LIMD1: variants seen among roughly 807,000 people sequenced by gnomAD.
LIMD1 encodes LIM domain containing 1, also known as LIM domain-containing protein 1.
LIMD1 carries 23 observed loss-of-function variants against 58.4 expected under a neutral mutation model. The observed-to-expected ratio is 0.39, with a 90% CI of 0.28 to 0.56. LIMD1 has a LOEUF of 0.56. Ranked by LOEUF, LIMD1 falls within the 20% of genes least tolerant of loss-of-function variation. LIMD1 has a pLI of 0.57. For synonymous variants in LIMD1, 334 were observed against 345.5 expected, an observed-to-expected ratio of 0.97 and a Z score of 0.37; for missense variants, 838 against 855.5, an observed-to-expected ratio of 0.98 and a Z score of 0.25.
chr3:45,639,428 C>T (rs976814075), intron 2 of LIMD1, among the ~76,000 whole-genome samples: 15 of 152,120 alleles, frequency 9.9e-5, no homozygotes, highest in African/African-American at 3.6e-4. Context: ...CACTGGTTGG[C>T]TTATAAACAA....
intron 2 of LIMD1, among the ~76,000 whole-genome samples, chr3:45,639,527 G>A (rs1226184617): frequency 2.0e-5 from 3 of 152,100 alleles, no homozygotes; most frequent in African/African-American, 4.8e-5. Context: ...CCCACTTCCC[G>A]GGCACTCATA....
At chr3:45,657,332 A>C (rs931897528) in intron 2 of LIMD1, among the ~76,000 whole-genome samples, 1 of 152,172 alleles carries the variant, frequency 6.6e-6, no homozygotes, top group Non-Finnish European at 1.5e-5. Context: ...TGAGGCAAGT[A>C]AAAGGCCCAG....
chr3:45,654,812 C>CAAAA lies in LIMD1; in HGVS notation c.1511-10819_1511-10816dup, dbSNP rs1227980901. On this transcript the variant is annotated intron_variant, in intron 2 of 7. Transcript: ENST00000273317. ...TGGGTGACAGAGTAAGACCCTGTCTCAAAAAAAAAAAAAAAAAAAAAAGAA... is the reference window on the plus strand; with the variant it reads ...TGGGTGACAGAGTAAGACCCTGTCTCAAAAAAAAAAAAAAAAAAAAAAAAAAGAA... 3.7e-3 allele frequency among the ~76,000 whole-genome samples: 211 copies of CAAAA among 56,484 alleles called. 4 individuals are homozygous for CAAAA. The highest frequency in any genetic ancestry group is 0.012 in the African/African-American group (205 of 17,180). The allele number at this position is 56,484 out of a possible 152,430, so 37.1% of individuals were successfully genotyped here.
At chr3:45,664,892 G>A (rs930620660) in intron 2 of LIMD1, among the ~76,000 whole-genome samples, 2 of 152,146 alleles carry the variant, frequency 1.3e-5, no homozygotes, top group Admixed American at 1.3e-4. Context: ...TATGTGTTGA[G>A]CCTAGCACTG....
chr3:45,639,822 C>G (rs1423529788), intron 2 of LIMD1, among the ~76,000 whole-genome samples: 2 of 152,208 alleles, frequency 1.3e-5, no homozygotes, highest in Non-Finnish European at 2.9e-5. Context: ...GCCACCAAAC[C>G]TGGCTAATTT....
rs571724335 is a variant in LIMD1 at position 45,685,688 on chromosome 3, G to T, written c.*8629G>T. 1 of 152,158 alleles carries T rather than the reference G, an allele frequency of 6.6e-6. No homozygotes were observed. Among genetic ancestry groups the T allele is most frequent in the African/African-American group, 2.4e-5 (1 of 41,426 alleles). The allele number at this position is 152,158 out of a possible 1,614,324, so 9.4% of individuals were successfully genotyped here. On this transcript the variant is annotated 3_prime_UTR_variant, in exon 8 of 8. Transcript: ENST00000273317. ...GTACAGTGAGTCCACAGGGCAGGAC[G>T]GCCTTGGAGTCAAGAGCCCAGACTC...
Position 45,677,925 on chromosome 3 carries a change from A to G in LIMD1, c.*866A>G, listed in dbSNP as rs1457570210. On this transcript the variant is annotated 3_prime_UTR_variant, in exon 8 of 8. Coordinates refer to ENST00000273317, the MANE Select transcript of LIMD1 (RefSeq NM_014240.3). ...TCTGCAAGGCAAGTCTCAGGAACCC[A>G]TGCAGGTACATCGCTTGCACCTGTT... The G allele has an allele frequency of 6.6e-6, 1 of 152,130 alleles. No individual in the cohort carries two copies. Among genetic ancestry groups the G allele is most frequent in the East Asian group, 1.9e-4 (1 of 5,192 alleles). 9.4% of individuals were successfully genotyped at this position (152,130 alleles called of 1,614,324 possible).
intron 1 of LIMD1, among the ~76,000 whole-genome samples, chr3:45,633,622 C>T (rs918252123): frequency 6.6e-6 from 1 of 152,170 alleles, no homozygotes; most frequent in African/African-American, 2.4e-5. Context: ...AACTTTTCTG[C>T]GTGTTTGAAA....
chr3:45,602,502 G>A (rs1701425410), intron 1 of LIMD1, among the ~76,000 whole-genome samples: 1 of 152,180 alleles, frequency 6.6e-6, no homozygotes, highest in Admixed American at 6.5e-5. Context: ...TGGTTTTTCT[G>A]TCTTTGGTGG....
At chr3:45,670,852 A>G (rs181970385) in intron 4 of LIMD1, among the ~76,000 whole-genome samples, 1 of 152,320 alleles carries the variant, frequency 6.6e-6, no homozygotes, top group East Asian at 1.9e-4. Context: ...ACAGAACCCC[A>G]GCTGTCTAAC....
chr3:45,666,975 C>G (rs1697528621), intron 3 of LIMD1, among the ~76,000 whole-genome samples: 1 of 152,214 alleles, frequency 6.6e-6, no homozygotes, highest in East Asian at 1.9e-4. Flanking sequence ...AACAGACTAG[C>G]AAACCCAAAC....
chr3:45,630,227 A>G (rs72882522), intron 1 of LIMD1, among the ~76,000 whole-genome samples: 1 of 152,338 alleles, frequency 6.6e-6, no homozygotes, highest in African/African-American at 2.4e-5. Flanking sequence ...AAGGGAGGCT[A>G]AGAGCCTACT....
At chr3:45,628,457 A>G (rs989685993) in intron 1 of LIMD1, among the ~76,000 whole-genome samples, 1 of 152,242 alleles carries the variant, frequency 6.6e-6, no homozygotes, top group African/African-American at 2.4e-5. Flanking sequence ...ATGAGATGCT[A>G]CTGTATAACC....
At chr3:45,597,360 A>AG (rs1371965160) in intron 1 of LIMD1, among the ~76,000 whole-genome samples, 1 of 152,174 alleles carries the variant, frequency 6.6e-6, no homozygotes, top group Non-Finnish European at 1.5e-5. Context: ...GCCTACACCC[A>AG]GGTAACAGCC....
chr3:45,626,597 A>G, intron 1 of LIMD1, among the ~76,000 whole-genome samples: 1 of 152,204 alleles, frequency 6.6e-6, no homozygotes, highest in East Asian at 1.9e-4. Context: ...CAGATGAATA[A>G]GTGGAGCATA....
At position 45,612,070 on chromosome 3, in the gene LIMD1, G is replaced by GCGCTCTCTCTCTCT. The variant is rs55860697; in HGVS notation, c.1408+15784_1408+15785insGCTCTCTCTCTCTC. 9.0e-5 allele frequency among the ~76,000 whole-genome samples: 13 copies of GCGCTCTCTCTCTCT among 144,950 alleles called. No homozygotes were observed. In the South Asian group the frequency reaches 1.6e-3, roughly 17 times the overall value. ...GCTCTGTCATGGTTTGCAGGTGCGC[G>GCGCTCTCTCTCTCT]CTCTCTCTCTCTCTCTCTCTCTCTC... On this transcript the variant is annotated intron_variant, in intron 1 of 7. Coordinates refer to ENST00000273317, the MANE Select transcript of LIMD1 (RefSeq NM_014240.3).
chr3:45,640,428 GTTGTT>G (rs1015777545), intron 2 of LIMD1, among the ~76,000 whole-genome samples: 1 of 151,934 alleles, frequency 6.6e-6, no homozygotes, highest in African/African-American at 2.4e-5. Flanking sequence ...TGTTGTTGTT[GTTGTT>G]TTGTTTTGTT....
At chr3:45,668,949 C>G (rs1697557146) in intron 4 of LIMD1, among the ~76,000 whole-genome samples, 1 of 152,188 alleles carries the variant, frequency 6.6e-6, no homozygotes, top group Non-Finnish European at 1.5e-5. Flanking sequence ...TGTGGCATCC[C>G]AGGTGAGATG....
intron 2 of LIMD1, among the ~76,000 whole-genome samples, chr3:45,637,187 G>C (rs1336611072): frequency 1.3e-5 from 2 of 152,120 alleles, no homozygotes; most frequent in East Asian, 3.9e-4. Flanking sequence ...ATCCTAATCT[G>C]ATAGGATTAG....
Sources: gnomAD v4.1 joint callset for allele counts (sites outside exome capture counted in the v4.1 genomes callset) on GRCh38, gnomAD v4.1.1 for gene constraint, MANE v1.5 for transcripts, NCBI Gene and HGNC (gene_info 2026-07-23, HGNC 2026-07-21) for gene names.